The following ABCB5 variants were observed in gnomAD, a reference collection of about 807,000 sequenced individuals.
The protein encoded by ABCB5 is ATP binding cassette subfamily B member 5, also known as ATP-binding cassette sub-family B member 5.
A neutral mutation model predicts 144.2 loss-of-function variants in ABCB5; 155 were observed. The ratio of observed to expected loss-of-function variants is 1.08; its 90% confidence interval spans 0.94 to 1.23. The LOEUF (loss-of-function observed/expected upper bound fraction) is 1.23. Among genes scored for constraint, ABCB5 ranks in the 50% most tolerant of loss-of-function variants. The pLI, the probability that ABCB5 is intolerant of heterozygous loss-of-function variation, is 0.00. For missense variants in ABCB5, 1,830 were observed against 1,520.8 expected, an observed-to-expected ratio of 1.20 and a Z score of -3.38; for synonymous variants, 610 against 528.6, an observed-to-expected ratio of 1.15 and a Z score of -2.11.
Position 20,654,379 on chromosome 7 carries a change from TG to T in ABCB5, c.1536+2757del, listed in dbSNP as rs1245886695. ...GCTTCAAAATACATGAAGCAAAAACTGATACATCTGAAAGGAGAAAGACAAA... is the reference window on the plus strand; with the variant it reads ...GCTTCAAAATACATGAAGCAAAAACTATACATCTGAAAGGAGAAAGACAAA... On this transcript the variant is annotated intron_variant, in intron 13 of 27. Transcript: ENST00000404938. 1.1e-4 allele frequency among the ~76,000 whole-genome samples: 16 copies of T among 152,242 alleles called. 1 individual carries two copies. In the East Asian group the frequency reaches 3.1e-3, roughly 29 times the overall value.
chr7:20,682,761 T>C (rs888391956), intron 15 of ABCB5, among the ~76,000 whole-genome samples: 3 of 152,174 alleles, frequency 2.0e-5, no homozygotes, highest in Admixed American at 1.3e-4. Flanking sequence ...ATGTGCATGC[T>C]ACCACATCAC....
intron 23 of ABCB5, among the ~76,000 whole-genome samples, chr7:20,736,116 G>A (rs766029345): frequency 5.9e-5 from 9 of 152,190 alleles, no homozygotes; most frequent in African/African-American, 9.6e-5. Context: ...TCTAATCAAA[G>A]AAAGAAACTT....
At chr7:20,665,762 GAT>G (rs1562549544) in intron 14 of ABCB5, among the ~76,000 whole-genome samples, 39 of 138,602 alleles carry the variant, frequency 2.8e-4, no homozygotes, top group Non-Finnish European at 5.6e-4. Context: ...TAGATAGATA[GAT>G]AGAGATACAT....
intron 13 of ABCB5, among the ~76,000 whole-genome samples, chr7:20,656,269 CTG>C (rs1336848713): frequency 3.9e-5 from 6 of 152,154 alleles, no homozygotes; most frequent in African/African-American, 1.4e-4. Flanking sequence ...AAAAGATAAA[CTG>C]GAGTGTACTA....
At chr7:20,643,114 C>A (rs1216404398) in intron 5 of ABCB5, 70 bp from the exon 6 acceptor site, 20 of 1,341,344 alleles carry the variant, frequency 1.5e-5, no homozygotes, top group South Asian at 2.9e-5. Context: ...ATACTGTGAT[C>A]GATTTTTTAT....
intron 24 of ABCB5, among the ~76,000 whole-genome samples, chr7:20,740,895 TCAG>T (rs1782539178): frequency 6.6e-6 from 1 of 151,934 alleles, no homozygotes; most frequent in African/African-American, 2.4e-5. Context: ...TCACCTAAGG[TCAG>T]GAGTTCAAGT....
intron 14 of ABCB5, among the ~76,000 whole-genome samples, chr7:20,667,755 TCTCC>T (rs1785252640): frequency 1.7e-5 from 2 of 118,498 alleles, no homozygotes; most frequent in Admixed American, 1.7e-4. Context: ...CTCTGCCTCG[TCTCC>T]CTCTGATGCC....
chr7:20,754,147 A>G (rs1464278877), intron 27 of ABCB5, among the ~76,000 whole-genome samples: 1 of 152,244 alleles, frequency 6.6e-6, no homozygotes, highest in Non-Finnish European at 1.5e-5. Flanking sequence ...CTCAGTCTTC[A>G]CAACAACATG....
intron 14 of ABCB5, among the ~76,000 whole-genome samples, chr7:20,670,540 T>C (rs1275273168): frequency 6.6e-6 from 1 of 152,242 alleles, no homozygotes; most frequent in Non-Finnish European, 1.5e-5. Context: ...AATTTTGTTA[T>C]ACCATTCATA....
rs149512739 is a variant in ABCB5, at chr7:20,676,844, G to A, written c.1708-4661G>A. On this transcript the variant is annotated intron_variant, in intron 14 of 27. Coordinates refer to ENST00000404938, the MANE Select transcript of ABCB5 (RefSeq NM_001163941.2). ...TCAAATGAAGAATATAAGACTTAGG[G>A]GGTTAAAAAACTTGTCTAAGTCCTC... Among the ~76,000 whole-genome samples the A allele has an allele frequency of 2.6e-3, 395 of 152,086 alleles. 2 individuals carry two copies. The highest frequency in any genetic ancestry group is 9.3e-3 in the African/African-American group (384 of 41,504).
rs1194797535 is a variant in ABCB5, at chr7:20,632,100, G to A, written c.301G>A (p.Glu101Lys). ...TACTCAGTCTCAAGAGAAGCTGAAT[G>A]AAGATATGACTCTGTAAGTCCAAAT... The part of the protein sequence containing the change: ...NCTQSQEKLN[E>K]DMTLLTLYYV... The change falls in exon 5 of 28, where the codon GAA becomes AAA. Residue 101 changes from glutamate to lysine, a missense_variant. Glu to Lys is a moderately conservative substitution (Grantham distance 56, BLOSUM62 1). Transcript: ENST00000404938. The A allele has an allele frequency of 7.9e-6, 12 of 1,526,896 alleles. No individual in the cohort carries two copies. Among genetic ancestry groups the A allele is most frequent in the Non-Finnish European group, 9.7e-6 (11 of 1,135,058 alleles). The allele number at this position is 1,526,896 out of a possible 1,614,324, so 94.6% of individuals were successfully genotyped here. A position where few individuals can be genotyped will look rare whatever the true frequency, so the allele number is the denominator to read the frequency against.
chr7:20,716,723 A>T (rs10255864), intron 20 of ABCB5, among the ~76,000 whole-genome samples: 3,370 of 152,304 alleles, frequency 0.022, 116 homozygotes, highest in African/African-American at 0.073. Context: ...GGTCAGCTTT[A>T]CAGTAAGGAA....
intron 24 of ABCB5, among the ~76,000 whole-genome samples, chr7:20,741,572 T>A (rs1384204583): frequency 6.6e-6 from 1 of 152,134 alleles, no homozygotes; most frequent in African/African-American, 2.4e-5. Context: ...CTTCCAGATT[T>A]TTTTTTTCTA....
intron 16 of ABCB5, among the ~76,000 whole-genome samples, chr7:20,695,438 C>G (rs754125019): frequency 6.6e-6 from 1 of 151,432 alleles, no homozygotes; most frequent in Non-Finnish European, 1.5e-5. Context: ...AAAGCCCTTA[C>G]GTAAAACCTA....
At chr7:20,630,726 C>T (rs1583379043) in intron 4 of ABCB5, among the ~76,000 whole-genome samples, 1 of 152,136 alleles carries the variant, frequency 6.6e-6, no homozygotes, top group Non-Finnish European at 1.5e-5. Context: ...AATGGGCAAC[C>T]TGGCAACCTA....
intron 23 of ABCB5, among the ~76,000 whole-genome samples, chr7:20,736,536 A>G (rs554243905): frequency 1.7e-3 from 253 of 152,240 alleles, no homozygotes; most frequent in Non-Finnish European, 2.8e-3. Flanking sequence ...ACTTTAAAAT[A>G]TTTGTCATGA....
intron 16 of ABCB5, among the ~76,000 whole-genome samples, chr7:20,697,536 C>T (rs907663201): frequency 5.3e-5 from 8 of 152,268 alleles, no homozygotes; most frequent in South Asian, 2.1e-4. Context: ...CAAGAGAGAT[C>T]GTTATCGTAT....
chr7:20,704,803 A>T lies in ABCB5; in HGVS notation c.2417A>T (p.Gln806Leu). 1 of 1,610,796 alleles carries T rather than the reference A, an allele frequency of 6.2e-7. No homozygotes were observed. The highest frequency in any genetic ancestry group is 8.5e-7 in the Non-Finnish European group (1 of 1,177,438). ...TTAGCCATAGATATAGCACAAATTC[A>T]AGGAGTATGTATATTGTTTTTATTG... is the stretch of plus-strand genomic sequence containing the variant. ...TILAIDIAQIQGATGSRIGVL... is the reference protein window; with the variant it reads ...TILAIDIAQILGATGSRIGVL... The change falls in exon 20 of 28, where the codon CAA becomes CTA. Residue 806 changes from glutamine to leucine, a missense_variant. Coordinates refer to ENST00000404938, the MANE Select transcript of ABCB5 (RefSeq NM_001163941.2).
intron 17 of ABCB5, among the ~76,000 whole-genome samples, chr7:20,699,455 C>T (rs1786531477): frequency 6.6e-6 from 1 of 152,014 alleles, no homozygotes; most frequent in Admixed American, 6.5e-5. Context: ...AATCCCAGCA[C>T]TTTGGGAGGC....
Sources: allele counts gnomAD v4.1 joint callset (sites outside exome capture counted in the v4.1 genomes callset), GRCh38; gene constraint gnomAD v4.1.1; transcripts MANE v1.5; gene names NCBI Gene and HGNC (gene_info 2026-07-23, HGNC 2026-07-21).